The following STXBP5L variants were observed in gnomAD, a reference collection of about 807,000 sequenced individuals.
STXBP5L encodes syntaxin binding protein 5L, also known as syntaxin-binding protein 5-like.
A neutral mutation model predicts 144.5 loss-of-function variants in STXBP5L; 65 were observed. The ratio of observed to expected loss-of-function variants is 0.45; its 90% confidence interval spans 0.37 to 0.55. The LOEUF is 0.55. Among genes scored for constraint, STXBP5L ranks in the 20% least tolerant of loss-of-function variants. The pLI, the probability that STXBP5L is intolerant of heterozygous loss-of-function variation, is 0.00. For synonymous variants in STXBP5L, 505 were observed against 469.6 expected, an observed-to-expected ratio of 1.08 and a Z score of -0.97; for missense variants, 1,298 against 1,405.5, an observed-to-expected ratio of 0.92 and a Z score of 1.22.
chr3:121,124,489 G>A (rs1156823914), intron 7 of STXBP5L, among the ~76,000 whole-genome samples: 1 of 151,828 alleles, frequency 6.6e-6, no homozygotes, highest in East Asian at 1.9e-4. Flanking sequence ...TTTTATAAAA[G>A]TCTTTTATAT....
Position 120,937,297 on chromosome 3 carries a change from A to G in STXBP5L, c.190-17643A>G, listed in dbSNP as rs146344286. 2.0e-4 allele frequency among the ~76,000 whole-genome samples: 30 copies of G among 152,264 alleles called. 1 individual carries two copies. The East Asian group carries it at 5.8e-3, about 29-fold the overall frequency. On this transcript the variant is annotated intron_variant, in intron 2 of 26. Transcript: ENST00000471454. Reference sequence around the variant, plus strand: ...CTCCCTCTGCTGGAAGCAGGTTGAAATTTTGTTCTGATCTTCACTGTAATA... The same window carrying G: ...CTCCCTCTGCTGGAAGCAGGTTGAAGTTTTGTTCTGATCTTCACTGTAATA...
At chr3:121,344,119 G>C (rs1439079568) in intron 20 of STXBP5L, among the ~76,000 whole-genome samples, 4 of 151,848 alleles carry the variant, frequency 2.6e-5, no homozygotes, top group South Asian at 2.1e-4. Context: ...TCTGATCTTT[G>C]ACAAACCTGA....
chr3:121,079,850 G>T (rs1005947340), intron 5 of STXBP5L, among the ~76,000 whole-genome samples: 3 of 152,096 alleles, frequency 2.0e-5, no homozygotes, highest in Non-Finnish European at 4.4e-5. Flanking sequence ...TTGTTCTAGG[G>T]TATAGTTTAA....
At chr3:121,043,367 T>C (rs1032204241) in intron 4 of STXBP5L, among the ~76,000 whole-genome samples, 14 of 152,194 alleles carry the variant, frequency 9.2e-5, no homozygotes, top group Non-Finnish European at 1.5e-4. Context: ...TGCTTAGTGG[T>C]ACCGTTCACT....
At chr3:121,080,357 TTCA>T (rs1322393418) in intron 5 of STXBP5L, among the ~76,000 whole-genome samples, 1 of 152,192 alleles carries the variant, frequency 6.6e-6, no homozygotes, top group Non-Finnish European at 1.5e-5. Context: ...TATTGTTCTA[TTCA>T]TCATGTTAGT....
chr3:121,197,545 G>T (rs1438515940), intron 9 of STXBP5L, among the ~76,000 whole-genome samples: 2 of 151,988 alleles, frequency 1.3e-5, no homozygotes, highest in Admixed American at 1.3e-4. Flanking sequence ...GTGTAGGTTT[G>T]TTACATAGGT....
chr3:121,065,530 T>G (rs2107644474), intron 5 of STXBP5L, among the ~76,000 whole-genome samples: 1 of 152,256 alleles, frequency 6.6e-6, no homozygotes, highest in East Asian at 1.9e-4. Context: ...CATAGTTCAG[T>G]GGGTTAGGAG....
chr3:121,111,159 G>A (rs1482154778), intron 5 of STXBP5L, among the ~76,000 whole-genome samples: 1 of 152,100 alleles, frequency 6.6e-6, no homozygotes, highest in Non-Finnish European at 1.5e-5. Context: ...ATGGTTATTA[G>A]CTTCTTTGCA....
At chr3:121,396,799 C>G (rs1309662236) in intron 22 of STXBP5L, among the ~76,000 whole-genome samples, 1 of 152,160 alleles carries the variant, frequency 6.6e-6, no homozygotes, top group Admixed American at 6.5e-5. Context: ...AGTCAAAGGT[C>G]CTGGAAGAGG....
chr3:120,996,940 C>A (rs1267303632), intron 3 of STXBP5L, among the ~76,000 whole-genome samples: 1 of 152,068 alleles, frequency 6.6e-6, no homozygotes, highest in African/African-American at 2.4e-5. Flanking sequence ...TTTTTCAATC[C>A]TTATCCTCCT....
At chr3:120,973,813 G>A (rs924137599) in intron 3 of STXBP5L, among the ~76,000 whole-genome samples, 13 of 151,838 alleles carry the variant, frequency 8.6e-5, no homozygotes, top group East Asian at 5.8e-4. Flanking sequence ...TTGTTCTTGC[G>A]ATAGTTTACT....
rs552304486 is a variant in STXBP5L, at chr3:121,340,324, C to CT, written c.2176+21792dup. Reference sequence around the variant, plus strand: ...ATTATTTTTTTCAAGGTAGTAATGTCTTTTTTTTACTTTTTTTAAATTATA... The same window carrying CT: ...ATTATTTTTTTCAAGGTAGTAATGTCTTTTTTTTTACTTTTTTTAAATTATA... On this transcript the variant is annotated intron_variant, in intron 20 of 26. Transcript: ENST00000471454. 4.1e-4 allele frequency among the ~76,000 whole-genome samples: 62 copies of CT among 151,686 alleles called. 1 individual carries two copies. The East Asian group carries it at 5.0e-3, about 12-fold the overall frequency.
intron 9 of STXBP5L, 106 bp downstream of exon 9, chr3:121,157,733 T>C: frequency 1.4e-6 from 2 of 1,431,832 alleles, no homozygotes; most frequent in Non-Finnish European, 1.9e-6. Context: ...TAATAGGACA[T>C]AGCTTCTGGT....
chr3:121,059,726 T>A (rs1425370627), intron 5 of STXBP5L, among the ~76,000 whole-genome samples: 2 of 152,198 alleles, frequency 1.3e-5, no homozygotes, highest in African/African-American at 2.4e-5. Flanking sequence ...TATTTTATTC[T>A]GTTAGTAGCA....
intron 3 of STXBP5L, among the ~76,000 whole-genome samples, chr3:121,023,155 CA>C (rs34550471): frequency 0.11 from 16,270 of 143,442 alleles, 1,259 homozygotes; most frequent in Admixed American, 0.21. Flanking sequence ...ACAATAGTTG[CA>C]AAAAAAAAAA....
intron 20 of STXBP5L, among the ~76,000 whole-genome samples, chr3:121,352,780 C>A (rs2045345575): frequency 6.6e-6 from 1 of 152,006 alleles, no homozygotes; most frequent in South Asian, 2.1e-4. Context: ...GGGAATGCTT[C>A]CAATTTTTGC....
At chr3:121,029,384 A>G (rs1043375183) in intron 3 of STXBP5L, among the ~76,000 whole-genome samples, 7 of 152,144 alleles carry the variant, frequency 4.6e-5, no homozygotes, top group African/African-American at 1.4e-4. Flanking sequence ...CCACACATCT[A>G]CAACCATCTG....
chr3:121,018,798 T>C (rs914163830), intron 3 of STXBP5L, among the ~76,000 whole-genome samples: 13 of 152,200 alleles, frequency 8.5e-5, no homozygotes, highest in African/African-American at 2.4e-4. Flanking sequence ...CAGAACAGCA[T>C]GTGGAGACCC....
At chr3:121,093,246 G>T (rs1462653919) in intron 5 of STXBP5L, among the ~76,000 whole-genome samples, 4 of 152,060 alleles carry the variant, frequency 2.6e-5, no homozygotes, top group African/African-American at 9.7e-5. Context: ...TTTTGGTTTT[G>T]TCTCTGCCCG....
Sources: gnomAD v4.1 joint callset for allele counts (sites outside exome capture counted in the v4.1 genomes callset) on GRCh38, gnomAD v4.1.1 for gene constraint, MANE v1.5 for transcripts, NCBI Gene and HGNC (gene_info 2026-07-23, HGNC 2026-07-21) for gene names.